Variants in RAD50 observed in about 807,000 individuals in gnomAD.
RAD50 encodes DNA repair protein RAD50.
A neutral mutation model predicts 168.8 loss-of-function variants in RAD50; 132 were observed. That is an observed-to-expected ratio of 0.78 (90% CI 0.68 to 0.90). The LOEUF (loss-of-function observed/expected upper bound fraction) is 0.90, where lower values mean the gene tolerates loss of function less well. Ranked by LOEUF, RAD50 falls within the 40% of genes least tolerant of loss-of-function variation. The pLI, the probability that RAD50 is intolerant of heterozygous loss-of-function variation, is 0.00. For synonymous variants in RAD50, 525 were observed against 497.4 expected (o/e 1.06, Z -0.74); for missense variants, 1,347 against 1,534.4 (o/e 0.88, Z 2.04).
intron 9 of RAD50, among the ~76,000 whole-genome samples, chr5:132,590,221 G>C (rs1302824440): frequency 1.3e-5 from 2 of 152,214 alleles, no homozygotes; most frequent in Non-Finnish European, 2.9e-5. Flanking sequence ...TGTAATCCCA[G>C]CACTTTGGGA....
At chr5:132,560,347 T>G (rs754201285) in intron 2 of RAD50, among the ~76,000 whole-genome samples, 1 of 152,194 alleles carries the variant, frequency 6.6e-6, no homozygotes, top group Non-Finnish European at 1.5e-5. Context: ...TGTTGATTAT[T>G]ATTTGTTTCT....
intron 23 of RAD50, 119 bp from the exon 24 acceptor site, chr5:132,640,553 A>G (rs1751695327): frequency 1.4e-6 from 2 of 1,397,920 alleles, no homozygotes; most frequent in African/African-American, 1.4e-5. Context: ...TGCTTTACCT[A>G]ACAGTGAACC....
rs149949176 is a variant in RAD50, at chr5:132,633,777, A to G, written c.3390-3338A>G. Among the ~76,000 whole-genome samples the G allele has an allele frequency of 1.6e-3, 247 of 152,112 alleles. 2 individuals carry two copies. The highest frequency in any genetic ancestry group is 5.7e-3 in the African/African-American group (238 of 41,496). On this transcript the variant is annotated intron_variant, in intron 21 of 24. Coordinates refer to ENST00000378823, the MANE Select transcript of RAD50 (RefSeq NM_005732.4). The stretch of plus-strand genomic sequence containing the variant: ...TTTTTTGTAGAGATGGGATCTCACT[A>G]TGTTGCCCAGGCTGGTCTCAAACTC...
intron 21 of RAD50, among the ~76,000 whole-genome samples, chr5:132,619,510 C>T (rs1751237820): frequency 6.6e-6 from 1 of 152,106 alleles, no homozygotes; most frequent in African/African-American, 2.4e-5. Context: ...GGCATTCCTC[C>T]CACTTCGGCC....
At chr5:132,571,809 T>G (rs948832851) in intron 2 of RAD50, among the ~76,000 whole-genome samples, 28 of 152,182 alleles carry the variant, frequency 1.8e-4, no homozygotes, top group African/African-American at 6.8e-4. Context: ...TAAAAGGAAC[T>G]CATCATCGCT....
rs759439700 is a variant in RAD50 at position 132,603,900 on chromosome 5, C to T, written c.2398-20C>T. Reference sequence around the variant, plus strand: ...ATGCAGTAAGTTTATTAAAGGAAATCATTTTGTTATATTCTTAAGATGGAA... The same window carrying T: ...ATGCAGTAAGTTTATTAAAGGAAATTATTTTGTTATATTCTTAAGATGGAA... On this transcript the variant is annotated intron_variant, in intron 14 of 24. Coordinates refer to ENST00000378823, the MANE Select transcript of RAD50 (RefSeq NM_005732.4). The T allele has an allele frequency of 6.4e-7, 1 of 1,566,166 alleles. No homozygotes were observed. Among genetic ancestry groups the T allele is most frequent in the East Asian group, 2.3e-5 (1 of 44,196 alleles).
At chr5:132,629,513 C>T (rs1323226808) in intron 21 of RAD50, among the ~76,000 whole-genome samples, 1 of 152,134 alleles carries the variant, frequency 6.6e-6, no homozygotes, top group Non-Finnish European at 1.5e-5. Context: ...AGGCTGTTTA[C>T]TGAGTTCTCT....
intron 13 of RAD50, among the ~76,000 whole-genome samples, chr5:132,600,531 C>T (rs938291018): frequency 2.0e-5 from 3 of 152,156 alleles, no homozygotes; most frequent in East Asian, 1.9e-4. Context: ...CATTTAAAGC[C>T]TCAAATTCGC....
intron 2 of RAD50, among the ~76,000 whole-genome samples, chr5:132,571,115 C>T (rs1750295802): frequency 6.6e-6 from 1 of 151,504 alleles, no homozygotes; most frequent in South Asian, 2.1e-4. Context: ...TTGTGGCACA[C>T]AAACAATTAC....
intron 20 of RAD50, 24 bp from the exon 21 acceptor site, chr5:132,618,046 A>G: frequency 6.3e-7 from 1 of 1,595,368 alleles, no homozygotes; most frequent in East Asian, 2.2e-5. Context: ...AATGGTCCTC[A>G]TTTGTCATTT....
At chr5:132,589,947 G>A in intron 9 of RAD50, 110 bp downstream of exon 9, 2 of 1,025,178 alleles carry the variant, frequency 2.0e-6, no homozygotes, top group Non-Finnish European at 1.4e-6. Flanking sequence ...CATCAACTTT[G>A]TCTTATTCTC....
At chr5:132,604,723 G>C (rs1750951012) in intron 15 of RAD50, 83 bp from the exon 16 acceptor site, 1 of 1,186,712 alleles carries the variant, frequency 8.4e-7, no homozygotes, top group Non-Finnish European at 1.2e-6. Flanking sequence ...GGATTCCATA[G>C]ACCGATAAAA....
intron 2 of RAD50, among the ~76,000 whole-genome samples, chr5:132,564,815 G>T (rs946701966): frequency 1.3e-5 from 2 of 151,890 alleles, no homozygotes; most frequent in African/African-American, 4.8e-5. Context: ...TCCAGCCATG[G>T]CTAAAAGGGC....
rs751531030 is a variant in RAD50, at chr5:132,604,845, A to T, written c.2564A>T (p.Asp855Val). The change falls in exon 16 of 25, where the codon GAC becomes GTC. Residue 855 changes from aspartate to valine, a missense_variant. Transcript: ENST00000378823. Reference protein sequence around the residue: ...KIELNRKLIQDQQEQIQHLKS... With the variant: ...KIELNRKLIQVQQEQIQHLKS... ...GAATTGAATCGTAAGCTTATACAGG[A>T]CCAGCAGGAACAGATTCAACATCTA... 6.2e-7 allele frequency: 1 copy of T among 1,613,380 alleles called. No homozygotes were observed. Among genetic ancestry groups the T allele is most frequent in the Non-Finnish European group, 8.5e-7 (1 of 1,179,430 alleles).
chr5:132,638,275 A>G (rs772975928), intron 23 of RAD50, 52 bp downstream of exon 23: 23 of 1,605,312 alleles, frequency 1.4e-5, no homozygotes, highest in Non-Finnish European at 2.0e-5. Context: ...ACTGAAAGAG[A>G]GAAACAAACA....
intron 21 of RAD50, among the ~76,000 whole-genome samples, chr5:132,622,056 AAATT>A (rs1412469109): frequency 6.6e-6 from 1 of 152,122 alleles, no homozygotes; most frequent in Non-Finnish European, 1.5e-5. Context: ...CTTGTTAAAT[AAATT>A]ATTTAGCTGC....
intron 17 of RAD50, 39 bp downstream of exon 17, chr5:132,608,764 T>A: frequency 6.5e-7 from 1 of 1,546,196 alleles, no homozygotes; most frequent in Non-Finnish European, 8.7e-7. Context: ...CAAATATCTG[T>A]ATTAAACTTA....
At chr5:132,606,963 T>C (rs1489821594) in intron 16 of RAD50, among the ~76,000 whole-genome samples, 2 of 152,218 alleles carry the variant, frequency 1.3e-5, no homozygotes. Context: ...ATCGATGGAA[T>C]GTATTTCAAA....
intron 2 of RAD50, among the ~76,000 whole-genome samples, chr5:132,571,081 G>C (rs1363240523): frequency 6.6e-6 from 1 of 151,922 alleles, no homozygotes; most frequent in African/African-American, 2.4e-5. Flanking sequence ...AATGGATTAA[G>C]TTCACCTCTT....
Sources: gnomAD v4.1 joint callset for allele counts (sites outside exome capture counted in the v4.1 genomes callset) on GRCh38, gnomAD v4.1.1 for gene constraint, MANE v1.5 for transcripts, NCBI Gene and HGNC (gene_info 2026-07-23, HGNC 2026-07-21) for gene names.